Variants in MAPK10 observed in about 807,000 individuals in gnomAD.
MAPK10 encodes JNK3 alpha protein kinase.
A neutral mutation model predicts 59.3 loss-of-function variants in MAPK10; 25 were observed. The ratio of observed to expected loss-of-function variants is 0.42; its 90% CI spans 0.31 to 0.59. MAPK10 has a LOEUF of 0.59. MAPK10 is among the 20% of genes least tolerant of loss of function. The pLI is 0.15. For synonymous variants in MAPK10, 190 were observed against 200.5 expected, an observed-to-expected ratio of 0.95 and a Z score of 0.44; for missense variants, 351 against 568.9, an observed-to-expected ratio of 0.62 and a Z score of 3.90.
At chr4:86,259,911 T>C (rs1012975148) in intron 2 of MAPK10, among the ~76,000 whole-genome samples, 2 of 152,074 alleles carry the variant, frequency 1.3e-5, no homozygotes, top group Admixed American at 6.6e-5. Flanking sequence ...ATCTGCATCA[T>C]TCTAAATAAA....
chr4:86,459,841 C>G lies in MAPK10; in HGVS notation c.-262-105197G>C, dbSNP rs1007824474. ...TATACTGCTCGGGTGATGGGTGCAC[C>G]AAAATCTCACAAATCATCACCGAAG... On this transcript the variant is annotated intron_variant, in intron 1 of 4. Transcript: ENST00000502302. Among the ~76,000 whole-genome samples, 8 of 151,910 alleles carry G rather than the reference C, an allele frequency of 5.3e-5. 1 individual carries two copies. The highest frequency in any genetic ancestry group is 5.2e-4 in the Admixed American group (8 of 15,264).
intron 3 of MAPK10, among the ~76,000 whole-genome samples, chr4:86,162,820 A>G (rs2070277539): frequency 6.6e-6 from 1 of 152,136 alleles, no homozygotes; most frequent in South Asian, 2.1e-4. Context: ...AACTAAAAAT[A>G]TCCCTGAACC....
At chr4:86,331,351 G>T (rs1011557304) in intron 2 of MAPK10, among the ~76,000 whole-genome samples, 5 of 152,118 alleles carry the variant, frequency 3.3e-5, no homozygotes, top group African/African-American at 1.2e-4. Context: ...TTAGTGGCAC[G>T]CAGGCAAAAC....
At chr4:86,317,875 C>G (rs746214458) in intron 2 of MAPK10, among the ~76,000 whole-genome samples, 1 of 152,146 alleles carries the variant, frequency 6.6e-6, no homozygotes, top group Non-Finnish European at 1.5e-5. Context: ...ATCAGGCTAT[C>G]GGCAGGACCA....
At position 86,483,659 on chromosome 4, in the gene MAPK10, C is replaced by A. The variant is rs566565913; in HGVS notation, c.-263+110251G>T. Reference sequence around the variant, plus strand: ...TGCTAAGAACCAGATTCTATACCTCCAATTATTGCATTTAGTCCTCACACA... The same window carrying A: ...TGCTAAGAACCAGATTCTATACCTCAAATTATTGCATTTAGTCCTCACACA... On this transcript the variant is annotated intron_variant, in intron 1 of 4. Coordinates refer to the MAPK10 transcript ENST00000502302. 1.6e-3 allele frequency among the ~76,000 whole-genome samples: 237 copies of A among 152,154 alleles called. 4 individuals are homozygous for A. Among genetic ancestry groups the A allele is most frequent in the African/African-American group, 5.5e-3 (227 of 41,522 alleles).
Position 86,171,162 on chromosome 4 carries a change from G to A in MAPK10, c.67-11695C>T, listed in dbSNP as rs564205395. On this transcript the variant is annotated intron_variant, in intron 3 of 13. Transcript: ENST00000641462. ...TGACACCCTAACATCACAATTAAAAGAACTAGAAAAGCAAGAGCAAACACA... is the reference window on the plus strand; with the variant it reads ...TGACACCCTAACATCACAATTAAAAAAACTAGAAAAGCAAGAGCAAACACA... The A allele has an allele frequency of 2.0e-5, 3 of 151,542 alleles. No individual in the cohort carries two copies. In the East Asian group the frequency reaches 5.8e-4, roughly 29 times the overall value. The allele number at this position is 151,542 out of a possible 1,614,324, so 9.4% of individuals were successfully genotyped here. A position where few individuals can be genotyped will look rare whatever the true frequency, so the allele number is the denominator to read the frequency against.
At chr4:86,139,383 T>G (rs1222974406) in intron 4 of MAPK10, among the ~76,000 whole-genome samples, 2 of 150,554 alleles carry the variant, frequency 1.3e-5, no homozygotes, top group Non-Finnish European at 3.0e-5. Context: ...ACGCCGCATA[T>G]CTACAACTAT....
intron 2 of MAPK10, among the ~76,000 whole-genome samples, chr4:86,262,052 C>A (rs539321244): frequency 6.6e-6 from 1 of 152,150 alleles, no homozygotes; most frequent in African/African-American, 2.4e-5. Context: ...TGATTTGTTG[C>A]GCTATGATTT....
chr4:86,296,263 G>T (rs2095360658), intron 2 of MAPK10, among the ~76,000 whole-genome samples: 1 of 151,804 alleles, frequency 6.6e-6, no homozygotes, highest in South Asian at 2.1e-4. Context: ...GACTGGTTAA[G>T]ACTGGATTTG....
chr4:86,554,045 GA>G (rs1346821110), intron 1 of MAPK10, among the ~76,000 whole-genome samples: 1 of 151,950 alleles, frequency 6.6e-6, no homozygotes, highest in Non-Finnish European at 1.5e-5. Flanking sequence ...TCCAGTGACA[GA>G]AATTCTTAAA....
At chr4:86,188,020 T>C (rs1198347143) in intron 3 of MAPK10, among the ~76,000 whole-genome samples, 1 of 152,154 alleles carries the variant, frequency 6.6e-6, no homozygotes, top group Non-Finnish European at 1.5e-5. Context: ...TCTGTTCCTG[T>C]TAGTTTGCTA....
At chr4:86,195,383 G>T (rs1227431141) in intron 2 of MAPK10, among the ~76,000 whole-genome samples, 1 of 150,940 alleles carries the variant, frequency 6.6e-6, no homozygotes. Flanking sequence ...CCCTAAAAAT[G>T]TTAACATAAA....
At position 86,547,415 on chromosome 4, in the gene MAPK10, G is replaced by A. The variant is rs569556970; in HGVS notation, c.-263+46495C>T. 2.6e-5 allele frequency among the ~76,000 whole-genome samples: 4 copies of A among 152,346 alleles called. No homozygotes were observed. The East Asian group carries it at 7.7e-4, about 29-fold the overall frequency. On this transcript the variant is annotated intron_variant, in intron 1 of 4. Transcript: ENST00000502302. ...CAGCAGTCGGCCGGCCCCACCGCCC[G>A]GGGCAGTGAGGGGTTTAGCACCTGG...
chr4:86,500,711 T>C (rs1258023986), intron 1 of MAPK10, among the ~76,000 whole-genome samples: 1 of 152,134 alleles, frequency 6.6e-6, no homozygotes, highest in Non-Finnish European at 1.5e-5. Flanking sequence ...GATGTTTAAT[T>C]AATGTTTACA....
At chr4:86,182,540 G>A (rs1256010004) in intron 3 of MAPK10, among the ~76,000 whole-genome samples, 2 of 152,058 alleles carry the variant, frequency 1.3e-5, no homozygotes, top group East Asian at 1.9e-4. Context: ...AGCCAAGCTG[G>A]TGATAAGCTT....
intron 1 of MAPK10, among the ~76,000 whole-genome samples, chr4:86,402,290 C>T (rs1743828099): frequency 6.6e-6 from 1 of 151,958 alleles, no homozygotes; most frequent in Non-Finnish European, 1.5e-5. Context: ...GTGTCTTGAC[C>T]CAACCATGTC....
chr4:86,468,386 T>A (rs1208615040), intron 1 of MAPK10, among the ~76,000 whole-genome samples: 1 of 152,226 alleles, frequency 6.6e-6, no homozygotes, highest in Non-Finnish European at 1.5e-5. Context: ...ATGGCTCTCC[T>A]TACTAAGTCT....
chr4:86,459,506 C>T (rs773682431), intron 1 of MAPK10, among the ~76,000 whole-genome samples: 6 of 152,072 alleles, frequency 3.9e-5, no homozygotes, highest in African/African-American at 7.2e-5. Flanking sequence ...AACCCAAATG[C>T]CCATCAATCA....
chr4:86,273,403 G>C (rs1236249975), intron 2 of MAPK10, among the ~76,000 whole-genome samples: 1 of 151,876 alleles, frequency 6.6e-6, no homozygotes, highest in African/African-American at 2.4e-5. Flanking sequence ...GGAAATAATA[G>C]TAAACATGTT....
Sources: allele counts gnomAD v4.1 joint callset (sites outside exome capture counted in the v4.1 genomes callset), GRCh38; gene constraint gnomAD v4.1.1; transcripts MANE v1.5; gene names NCBI Gene and HGNC (gene_info 2026-07-23, HGNC 2026-07-21).